PRUNE2: variants seen among roughly 807,000 people sequenced by gnomAD.
PRUNE2 encodes the protein prune homolog 2 with BCH domain.
PRUNE2 carries 164 observed loss-of-function variants against 252.0 expected under a neutral mutation model. The observed-to-expected ratio is 0.65, with a 90% CI of 0.57 to 0.74. The LOEUF is 0.74. PRUNE2 is among the 30% of genes least tolerant of loss of function. The pLI is 0.00. For missense variants in PRUNE2, 3,495 were observed against 3,711.0 expected, an observed-to-expected ratio of 0.94 and a Z score of 1.51; for synonymous variants, 1,292 against 1,350.2, an observed-to-expected ratio of 0.96 and a Z score of 0.94.
chr9:76,628,098 C>T (rs1835738394), intron 16 of PRUNE2, among the ~76,000 whole-genome samples: 1 of 152,096 alleles, frequency 6.6e-6, no homozygotes, highest in Non-Finnish European at 1.5e-5. Flanking sequence ...TTAAGTCCCT[C>T]TCCATTCAAA....
intron 16 of PRUNE2, among the ~76,000 whole-genome samples, chr9:76,627,095 C>CT (rs869306249): frequency 2.3e-4 from 28 of 122,712 alleles, no homozygotes; most frequent in Admixed American, 9.3e-4. Context: ...ACTTCTTCAT[C>CT]TTTTTTTTTT....
At chr9:76,653,445 A>G (rs1486077461) in intron 10 of PRUNE2, among the ~76,000 whole-genome samples, 1 of 152,154 alleles carries the variant, frequency 6.6e-6, no homozygotes, top group Non-Finnish European at 1.5e-5. Context: ...CAAAGTAAAT[A>G]GTGTTTGCAC....
chr9:76,788,388 A>T (rs2055226982), intron 6 of PRUNE2: 1 of 758,174 alleles, frequency 1.3e-6, no homozygotes, highest in African/African-American at 1.7e-5. Flanking sequence ...TTAAACTCAC[A>T]AACCACTACT....
chr9:76,793,261 T>C (rs1273410951), intron 6 of PRUNE2, among the ~76,000 whole-genome samples: 1 of 152,210 alleles, frequency 6.6e-6, no homozygotes, highest in African/African-American at 2.4e-5. Context: ...TAAATAATTC[T>C]GCACATAGCA....
chr9:76,726,582 A>G (rs2048121106), intron 6 of PRUNE2, among the ~76,000 whole-genome samples: 2 of 152,200 alleles, frequency 1.3e-5, no homozygotes, highest in Admixed American at 1.3e-4. Flanking sequence ...CCAATTAAGG[A>G]GGGTATTAAA....
At chr9:76,769,661 G>T (rs2052873352) in intron 6 of PRUNE2, among the ~76,000 whole-genome samples, 1 of 152,194 alleles carries the variant, frequency 6.6e-6, no homozygotes, top group Non-Finnish European at 1.5e-5. Flanking sequence ...CCGACATCAG[G>T]TGATCCGCCC....
chr9:76,628,472 G>C (rs1214556913), intron 16 of PRUNE2, among the ~76,000 whole-genome samples: 1 of 152,160 alleles, frequency 6.6e-6, no homozygotes, highest in African/African-American at 2.4e-5. Flanking sequence ...TATTTTCCTA[G>C]CATCATGCAG....
At chr9:76,783,016 G>C (rs748062002) in intron 6 of PRUNE2, among the ~76,000 whole-genome samples, 25 of 152,236 alleles carry the variant, frequency 1.6e-4, no homozygotes, top group Middle Eastern at 3.4e-3. Context: ...ATTTTCCTTA[G>C]GTTTCTTTTA....
chr9:76,706,225 T>A lies in PRUNE2; in HGVS notation c.6049A>T (p.Asn2017Tyr). ...EMTNSSIATE[N>Y]FPAVSSPTQL... is the part of the protein sequence containing the mutation. ...GTGGGAGAACTGACAGCAGGAAAAT[T>A]TTCTGTGGCAATGCTTGAATTTGTC... Residue 2017 changes from asparagine (N) to tyrosine (Y), a missense_variant, in exon 8 of 19, where the codon AAT becomes TAT. Asn to Tyr is a moderately radical substitution (Grantham distance 143, BLOSUM62 -2). Transcript: ENST00000376718. 2.5e-6 allele frequency: 4 copies of A among 1,613,960 alleles called. No homozygotes were observed. The highest frequency in any genetic ancestry group is 3.4e-6 in the Non-Finnish European group (4 of 1,179,890).
intron 6 of PRUNE2, among the ~76,000 whole-genome samples, chr9:76,752,088 T>TA (rs2050658854): frequency 2.5e-5 from 2 of 80,794 alleles, no homozygotes; most frequent in African/African-American, 1.3e-4. Context: ...AATTCCTGTT[T>TA]TTTTTTTGGT....
At chr9:76,822,501 C>T (rs894390370) in intron 6 of PRUNE2, among the ~76,000 whole-genome samples, 3 of 152,144 alleles carry the variant, frequency 2.0e-5, no homozygotes, top group Admixed American at 2.0e-4. Context: ...ATATAGTCAA[C>T]ATCACCATGA....
chr9:76,732,827 A>G (rs10869809), intron 6 of PRUNE2, among the ~76,000 whole-genome samples: 61,124 of 151,952 alleles, frequency 0.4, 13,098 homozygotes, highest in Admixed American at 0.54. Flanking sequence ...AGAAGATTTC[A>G]TGTCTGTATG....
intron 6 of PRUNE2, among the ~76,000 whole-genome samples, chr9:76,721,847 A>G (rs1219402166): frequency 6.6e-6 from 1 of 152,242 alleles, no homozygotes; most frequent in Non-Finnish European, 1.5e-5. Context: ...TTCTAACTTG[A>G]AGGGATTATG....
chr9:76,636,384 T>C, intron 15 of PRUNE2, 87 bp downstream of exon 15: 1 of 757,308 alleles, frequency 1.3e-6, no homozygotes, highest in Non-Finnish European at 2.3e-6. Context: ...GTACTCTTAG[T>C]TTATGAATTC....
At position 76,706,641 on chromosome 9, in the gene PRUNE2, G is replaced by A; in HGVS notation, c.5633C>T (p.Pro1878Leu). ...AGGATTAGTATAGTGTGTTTCCACG[G>A]GCTCAATATCACCCTGAACTGGTAC... is the stretch of plus-strand genomic sequence containing the variant. ...WGVPVQGDIE[P>L]VETHYTNPFS... is the part of the protein sequence containing the mutation. Residue 1878 changes from proline to leucine, a missense_variant, in exon 8 of 19, where the codon CCC (proline) becomes CTC (leucine). By Grantham distance (98) the Pro-to-Leu change is moderately conservative. Coordinates refer to ENST00000376718, the MANE Select transcript of PRUNE2 (RefSeq NM_015225.3). 6.2e-7 allele frequency: 1 copy of A among 1,613,842 alleles called. No homozygotes were observed. Among genetic ancestry groups the A allele is most frequent in the Non-Finnish European group, 8.5e-7 (1 of 1,179,866 alleles).
intron 6 of PRUNE2, among the ~76,000 whole-genome samples, chr9:76,774,959 A>G (rs2053578222): frequency 6.6e-6 from 1 of 152,164 alleles, no homozygotes; most frequent in Admixed American, 6.5e-5. Flanking sequence ...GAACACTAAT[A>G]TCTACTACAC....
In PRUNE2 at chr9:76,811,246, A is replaced by G. The variant is rs921706125; in HGVS notation, c.756+12386T>C. 3.3e-5 allele frequency among the ~76,000 whole-genome samples: 5 copies of G among 152,334 alleles called. No homozygotes were observed. The South Asian group carries it at 6.2e-4, about 19-fold the overall frequency. On this transcript the variant is annotated intron_variant, in intron 6 of 18. Coordinates refer to ENST00000376718, the MANE Select transcript of PRUNE2 (RefSeq NM_015225.3). ...CATCCTAGCATATCACTATGTCCTG[A>G]GGGTTTCCCTTCTCATAAAGAAAAA...
intron 9 of PRUNE2, among the ~76,000 whole-genome samples, chr9:76,700,615 ATTTAT>A (rs1484723075): frequency 6.6e-6 from 1 of 152,180 alleles, no homozygotes; most frequent in Non-Finnish European, 1.5e-5. Flanking sequence ...TTTTTTAAAA[ATTTAT>A]TTTATAACTT....
At chr9:76,841,106 C>T (rs1184682798) in intron 4 of PRUNE2, among the ~76,000 whole-genome samples, 4 of 152,078 alleles carry the variant, frequency 2.6e-5, no homozygotes, top group African/African-American at 9.7e-5. Flanking sequence ...AACTGAGGTA[C>T]CTGGCTCATC....
Sources: allele counts gnomAD v4.1 joint callset (sites outside exome capture counted in the v4.1 genomes callset), GRCh38; gene constraint gnomAD v4.1.1; transcripts MANE v1.5; gene names NCBI Gene and HGNC (gene_info 2026-07-23, HGNC 2026-07-21).